ZMAT4: variants seen among roughly 807,000 people sequenced by gnomAD.
ZMAT4 encodes the protein zinc finger matrin-type 4.
A neutral mutation model predicts 28.7 loss-of-function variants in ZMAT4; 17 were observed. The ratio of observed to expected loss-of-function variants is 0.59; its 90% confidence interval spans 0.41 to 0.89. The LOEUF is 0.89. Ranked by LOEUF, ZMAT4 falls within the 40% of genes least tolerant of loss-of-function variation. ZMAT4 has a pLI of 0.00. For synonymous variants in ZMAT4, 117 were observed against 109.2 expected (o/e 1.07, Z -0.44); for missense variants, 240 against 283.8 (o/e 0.85, Z 1.11).
intron 5 of ZMAT4, among the ~76,000 whole-genome samples, chr8:40,599,511 T>A (rs1390824528): frequency 1.3e-5 from 2 of 152,194 alleles, no homozygotes; most frequent in African/African-American, 4.8e-5. Context: ...AAGGGTTTTT[T>A]TAGTATTTAA....
intron 5 of ZMAT4, among the ~76,000 whole-genome samples, chr8:40,663,741 C>T (rs969874789): frequency 6.6e-6 from 1 of 152,120 alleles, no homozygotes; most frequent in Admixed American, 6.6e-5. Context: ...GTAATCTAAG[C>T]TGAGTATTTT....
chr8:40,648,481 C>G lies in ZMAT4; in HGVS notation c.577+26223G>C, dbSNP rs1005259580. 2.6e-5 allele frequency among the ~76,000 whole-genome samples: 4 copies of G among 151,176 alleles called. No homozygotes were observed. In the Admixed American group the frequency reaches 2.6e-4, roughly 10 times the overall value. On this transcript the variant is annotated intron_variant, in intron 5 of 6. Transcript: ENST00000297737. ...CCGGAAAGTGATGGGGAGAATGGAA[C>G]CAAGTTGGAAAACACGCTGCAGGAT...
intron 2 of ZMAT4, among the ~76,000 whole-genome samples, chr8:40,775,504 G>A (rs985870040): frequency 6.6e-6 from 1 of 152,186 alleles, no homozygotes; most frequent in African/African-American, 2.4e-5. Context: ...TGCAACTGGT[G>A]CAAAAGTGGA....
Position 40,624,808 on chromosome 8 carries a change from G to A in ZMAT4, c.578-43547C>T, listed in dbSNP as rs76445955. On this transcript the variant is annotated intron_variant, in intron 5 of 6. Transcript: ENST00000297737. ...TTTCAGTCAGTCAGTCAACAAATAC[G>A]TACTCTGCACTTCCCACAGCCAGGC... 4.6e-5 allele frequency among the ~76,000 whole-genome samples: 7 copies of A among 152,116 alleles called. No homozygotes were observed. In the East Asian group the frequency reaches 7.7e-4, roughly 17 times the overall value.
chr8:40,864,202 T>C (rs1817599500), intron 1 of ZMAT4, among the ~76,000 whole-genome samples: 1 of 152,242 alleles, frequency 6.6e-6, no homozygotes, highest in Non-Finnish European at 1.5e-5. Flanking sequence ...GAAAGGCATT[T>C]GCCAATCTGC....
intron 4 of ZMAT4, among the ~76,000 whole-genome samples, chr8:40,681,590 G>A (rs1809168562): frequency 6.6e-6 from 1 of 152,180 alleles, no homozygotes. Context: ...CCACCACAAA[G>A]TCAGGCCTCA....
chr8:40,562,982 G>A (rs1585687992), intron 6 of ZMAT4, among the ~76,000 whole-genome samples: 3 of 152,188 alleles, frequency 2.0e-5, no homozygotes, highest in Admixed American at 1.3e-4. Flanking sequence ...TCCTCTTACT[G>A]TACACACTCA....
intron 1 of ZMAT4, among the ~76,000 whole-genome samples, chr8:40,842,460 G>C (rs1476974032): frequency 6.6e-6 from 1 of 152,208 alleles, no homozygotes; most frequent in African/African-American, 2.4e-5. Flanking sequence ...TTGCTGAAAG[G>C]AGAAATAATT....
intron 1 of ZMAT4, among the ~76,000 whole-genome samples, chr8:40,859,455 C>A (rs72641598): frequency 0.029 from 4,209 of 144,182 alleles, 103 homozygotes; most frequent in Admixed American, 0.073. Context: ...TGTCTAGCAA[C>A]GCACACACAC....
rs148106387 is a variant in ZMAT4 at position 40,602,727 on chromosome 8, G to A, written c.578-21466C>T. 9.7e-4 allele frequency among the ~76,000 whole-genome samples: 148 copies of A among 151,832 alleles called. 1 individual carries two copies. The highest frequency in any genetic ancestry group is 2.9e-3 in the African/African-American group (119 of 41,452). On this transcript the variant is annotated intron_variant, in intron 5 of 6. Transcript: ENST00000297737. ...CACTTTTTGATGATGGGATTATTTG[G>A]GGATTTTTGTGTTTTTGTTTTTGTT...
chr8:40,879,936 T>A (rs909651782), intron 1 of ZMAT4, among the ~76,000 whole-genome samples: 3 of 152,212 alleles, frequency 2.0e-5, no homozygotes, highest in Non-Finnish European at 4.4e-5. Flanking sequence ...TTTACTTAAC[T>A]AGTTCTCCAC....
intron 3 of ZMAT4, among the ~76,000 whole-genome samples, chr8:40,719,539 C>G: frequency 6.6e-6 from 1 of 151,988 alleles, no homozygotes; most frequent in South Asian, 2.1e-4. Context: ...TGACAGGCAG[C>G]GAGTTCGTGG....
At chr8:40,631,169 TTTTG>T (rs540340215) in intron 5 of ZMAT4, among the ~76,000 whole-genome samples, 28 of 139,258 alleles carry the variant, frequency 2.0e-4, no homozygotes, top group East Asian at 2.2e-4. Flanking sequence ...TACTTTATTT[TTTTG>T]TTTGTTTGTT....
chr8:40,691,012 G>C (rs1296366414), intron 4 of ZMAT4: 1 of 759,336 alleles, frequency 1.3e-6, no homozygotes, highest in South Asian at 6.0e-5. Context: ...AATCCACTTA[G>C]TGAGAGCCTT....
rs532271690 is a variant in ZMAT4 at position 40,848,860 on chromosome 8, G to A, written c.-4-23180C>T. On this transcript the variant is annotated intron_variant, in intron 1 of 6. Transcript: ENST00000297737. The stretch of plus-strand genomic sequence containing the variant: ...ATTTCCTTCTTTAATTCAAAAATCC[G>A]TCCATTGTGGTTCCTGGTTCCACAA... 3.0e-4 allele frequency among the ~76,000 whole-genome samples: 46 copies of A among 152,142 alleles called. No individual in the cohort carries two copies. In the South Asian group the frequency reaches 5.4e-3, roughly 18 times the overall value.
At chr8:40,648,948 C>A (rs10104491) in intron 5 of ZMAT4, among the ~76,000 whole-genome samples, 1 of 140,606 alleles carries the variant, frequency 7.1e-6, no homozygotes. Context: ...AAGGAACAAC[C>A]GGTACCAGCT....
chr8:40,749,772 C>T (rs1199404217), intron 3 of ZMAT4, among the ~76,000 whole-genome samples: 3 of 152,164 alleles, frequency 2.0e-5, no homozygotes, highest in Non-Finnish European at 2.9e-5. Context: ...AAGGCGGCCA[C>T]AGGGAGGTGA....
intron 5 of ZMAT4, among the ~76,000 whole-genome samples, chr8:40,584,467 T>A (rs1804597671): frequency 2.0e-5 from 3 of 152,182 alleles, no homozygotes; most frequent in Admixed American, 2.0e-4. Flanking sequence ...CTATCATGGA[T>A]GTATTAATTA....
chr8:40,878,391 A>G (rs965254119), intron 1 of ZMAT4, among the ~76,000 whole-genome samples: 7 of 152,252 alleles, frequency 4.6e-5, no homozygotes, highest in African/African-American at 1.7e-4. Context: ...ACTAAAAGAA[A>G]AAAAACACTA....
Sources: gnomAD v4.1 joint callset for allele counts (sites outside exome capture counted in the v4.1 genomes callset) on GRCh38, gnomAD v4.1.1 for gene constraint, MANE v1.5 for transcripts, NCBI Gene and HGNC (gene_info 2026-07-23, HGNC 2026-07-21) for gene names.